Variants in TMC7 observed in about 807,000 individuals in gnomAD.
TMC7 encodes transmembrane channel-like protein 7.
TMC7 carries 54 observed loss-of-function variants against 82.9 expected under a neutral mutation model. That is an observed-to-expected ratio of 0.65 (90% CI 0.52 to 0.82). The LOEUF (loss-of-function observed/expected upper bound fraction) is 0.82, where lower values mean the gene tolerates loss of function less well. TMC7 is among the 40% of genes least tolerant of loss of function. The pLI is 0.00. For synonymous variants in TMC7, 350 were observed against 337.9 expected (o/e 1.04, Z -0.39); for missense variants, 820 against 901.2 (o/e 0.91, Z 1.15).
chr16:19,022,496 A>G (rs1042089916), intron 4 of TMC7, among the ~76,000 whole-genome samples: 2 of 152,158 alleles, frequency 1.3e-5, no homozygotes, highest in Non-Finnish European at 2.9e-5. Context: ...AATACTTAAC[A>G]TTGTGTTGCA....
rs751975809 is a variant in TMC7, at chr16:19,059,428, T to C, written c.2040T>C (p.Phe680=). ...TCTTGTGTTGCAGCCTCATCATGTT[T>C]TACTTCATTGCCTTAGCTGGAGCAC... is the stretch of plus-strand genomic sequence containing the variant. The part of the protein sequence containing the change: ...PFFMIICLIM[F]YFIALAGAHK... Residue 680 remains phenylalanine (F), a synonymous_variant, in exon 15 of 16, where the codon TTT becomes TTC. Coordinates refer to ENST00000304381, the MANE Select transcript of TMC7 (RefSeq NM_024847.4). The C allele has an allele frequency of 3.1e-6, 5 of 1,613,882 alleles. No homozygotes were observed. The highest frequency in any genetic ancestry group is 4.2e-6 in the Non-Finnish European group (5 of 1,179,946).
intron 5 of TMC7, among the ~76,000 whole-genome samples, chr16:19,029,473 A>G (rs7188889): frequency 6.6e-6 from 1 of 152,072 alleles, no homozygotes; most frequent in Non-Finnish European, 1.5e-5. Context: ...AGTAGCACAA[A>G]CACGGCTTAT....
At chr16:18,995,357 G>A (rs1438575777) in intron 1 of TMC7, among the ~76,000 whole-genome samples, 1 of 152,148 alleles carries the variant, frequency 6.6e-6, no homozygotes, top group Non-Finnish European at 1.5e-5. Flanking sequence ...GTGATGGTCC[G>A]GGAGGCTTCT....
intron 13 of TMC7, among the ~76,000 whole-genome samples, chr16:19,052,345 C>T (rs1961577504): frequency 1.3e-5 from 2 of 152,132 alleles, no homozygotes. Context: ...CACCACCATG[C>T]CTGGCTAATT....
At chr16:18,988,329 A>G (rs1287236624) in intron 1 of TMC7, among the ~76,000 whole-genome samples, 6 of 150,156 alleles carry the variant, frequency 4.0e-5, no homozygotes, top group Non-Finnish European at 8.9e-5. Flanking sequence ...TAATTTTTGT[A>G]TTTTTGGTAG....
intron 1 of TMC7, among the ~76,000 whole-genome samples, chr16:19,002,234 C>CTTTT (rs558887362): frequency 3.9e-5 from 5 of 127,104 alleles, no homozygotes; most frequent in South Asian, 2.7e-4. Context: ...TGGAGGGCCG[C>CTTTT]TTTTTTTTTT....
At chr16:19,011,581 G>A (rs1294423622) in intron 2 of TMC7, among the ~76,000 whole-genome samples, 1 of 151,638 alleles carries the variant, frequency 6.6e-6, no homozygotes, top group Non-Finnish European at 1.5e-5. Flanking sequence ...GCTGGGTGTG[G>A]TGATGTGTGC....
intron 9 of TMC7, among the ~76,000 whole-genome samples, chr16:19,044,061 T>C (rs117404369): frequency 0.032 from 4,925 of 151,946 alleles, 105 homozygotes; most frequent in Non-Finnish European, 0.048. Context: ...GTAGAGACAG[T>C]TTCACCATGT....
chr16:19,011,506 A>AAAATAAATAAATAAAT (rs58092157), intron 2 of TMC7, among the ~76,000 whole-genome samples: 59 of 137,860 alleles, frequency 4.3e-4, no homozygotes, highest in Non-Finnish European at 7.0e-4. Flanking sequence ...CTGTCTTTAC[A>AAAATAAATAAATAAAT]AAATAAATAA....
At chr16:19,045,807 A>G (rs112879713) in intron 11 of TMC7, among the ~76,000 whole-genome samples, 8,345 of 151,966 alleles carry the variant, frequency 0.055, 290 homozygotes, top group South Asian at 0.13. Flanking sequence ...CATGTTAGCC[A>G]GGATGGTCTG....
rs567698289 is a variant in TMC7 at position 19,060,416 on chromosome 16, G to A, written c.2106+922G>A. Among the ~76,000 whole-genome samples the A allele has an allele frequency of 5.9e-5, 9 of 152,050 alleles. No individual in the cohort carries two copies. In the East Asian group the frequency reaches 1.7e-3, roughly 30 times the overall value. On this transcript the variant is annotated intron_variant, in intron 15 of 15. Transcript: ENST00000304381. ...CATGAGGTCTCCCTATGTTGCCCAGGCTGGTCTTGAACTCCTGGGCTCAAG... is the reference window on the plus strand; with the variant it reads ...CATGAGGTCTCCCTATGTTGCCCAGACTGGTCTTGAACTCCTGGGCTCAAG...
rs373566380 is a variant in TMC7 at position 19,062,861 on chromosome 16, C to T, written c.*1018C>T. On this transcript the variant is annotated 3_prime_UTR_variant, in exon 16 of 16. Coordinates refer to ENST00000304381, the MANE Select transcript of TMC7 (RefSeq NM_024847.4). ...AGCCTTCCTTCCATTGTTTTTCTTC[C>T]GTTCACTGGCTCCACACGTTTCCTG... 3 of 152,302 alleles carry T rather than the reference C, an allele frequency of 2.0e-5. No homozygotes were observed. Among genetic ancestry groups the T allele is most frequent in the Non-Finnish European group, 4.4e-5 (3 of 68,014 alleles). 9.4% of individuals were successfully genotyped at this position (152,302 alleles called of 1,614,324 possible). A position where few individuals can be genotyped will look rare whatever the true frequency, so the allele number is the denominator to read the frequency against.
chr16:19,058,382 AAAAT>A (rs904054515), intron 14 of TMC7, among the ~76,000 whole-genome samples: 2 of 151,464 alleles, frequency 1.3e-5, no homozygotes, highest in South Asian at 2.1e-4. Context: ...CTCCGTCTCA[AAAAT>A]AAATAAATAA....
chr16:19,063,934 G>A lies in TMC7; in HGVS notation c.*2091G>A, dbSNP rs1442496365. The A allele has an allele frequency of 6.6e-6, 1 of 152,162 alleles. No homozygotes were observed. The highest frequency in any genetic ancestry group is 1.5e-5 in the Non-Finnish European group (1 of 68,040). The allele number at this position is 152,162 out of a possible 1,614,324, so 9.4% of individuals were successfully genotyped here. ...CTCCTGATTAAACGGCGTCTTGAAGGTTTTAAAATGTGATCGTGTATACTG... is the reference window on the plus strand; with the variant it reads ...CTCCTGATTAAACGGCGTCTTGAAGATTTTAAAATGTGATCGTGTATACTG... On this transcript the variant is annotated 3_prime_UTR_variant, in exon 16 of 16. Transcript: ENST00000304381.
intron 6 of TMC7, among the ~76,000 whole-genome samples, chr16:19,031,650 G>A (rs895464620): frequency 8.5e-5 from 13 of 152,200 alleles, no homozygotes; most frequent in Non-Finnish European, 1.5e-4. Context: ...CAGCCTGGGC[G>A]ACAGAGCGAG....
intron 8 of TMC7, among the ~76,000 whole-genome samples, chr16:19,038,400 G>A (rs61704050): frequency 0.053 from 8,073 of 151,826 alleles, 575 homozygotes; most frequent in African/African-American, 0.16. Flanking sequence ...TCTCCATGTT[G>A]ATCAGGCTGG....
At chr16:19,039,798 G>A (rs1960924718) in intron 8 of TMC7, among the ~76,000 whole-genome samples, 1 of 151,972 alleles carries the variant, frequency 6.6e-6, no homozygotes, top group Non-Finnish European at 1.5e-5. Context: ...CACAGTACTA[G>A]ATACCTCTTT....
chr16:18,984,260 TG>T (rs2038803532), intron 1 of TMC7, 130 bp downstream of exon 1: 5 of 1,340,010 alleles, frequency 3.7e-6, no homozygotes, highest in Admixed American at 4.1e-5. Context: ...CTCCCGGCTC[TG>T]GGGAACAGCA....
At chr16:19,058,916 C>T (rs574157195) in intron 14 of TMC7, among the ~76,000 whole-genome samples, 52 of 152,178 alleles carry the variant, frequency 3.4e-4, no homozygotes, top group African/African-American at 1.1e-3. Flanking sequence ...CTTGCTCTGC[C>T]GCCCAGGCTG....
Sources: gnomAD v4.1 joint callset for allele counts (sites outside exome capture counted in the v4.1 genomes callset) on GRCh38, gnomAD v4.1.1 for gene constraint, MANE v1.5 for transcripts, NCBI Gene and HGNC (gene_info 2026-07-23, HGNC 2026-07-21) for gene names.